Variants in SLC4A7 observed in about 807,000 individuals in gnomAD.
SLC4A7 encodes sodium bicarbonate cotransporter 3.
In SLC4A7, 51 loss-of-function variants were observed where a neutral mutation model predicts 137.6. The ratio of observed to expected loss-of-function variants is 0.37; its 90% confidence interval spans 0.30 to 0.47. The LOEUF (loss-of-function observed/expected upper bound fraction) is 0.47. SLC4A7 is among the 20% of genes least tolerant of loss of function. The pLI, the probability that SLC4A7 is intolerant of heterozygous loss-of-function variation, is 1.00. For synonymous variants in SLC4A7, 542 were observed against 518.6 expected (o/e 1.05, Z -0.61); for missense variants, 1,247 against 1,525.4 (o/e 0.82, Z 3.04).
At chr3:27,395,495 C>T (rs773223519) in intron 18 of SLC4A7, among the ~76,000 whole-genome samples, 11 of 152,310 alleles carry the variant, frequency 7.2e-5, no homozygotes, top group Admixed American at 3.3e-4. Flanking sequence ...GAGATTATTA[C>T]GCTGTCGAGT....
intron 1 of SLC4A7, among the ~76,000 whole-genome samples, chr3:27,479,049 T>A (rs577158259): frequency 1.3e-5 from 2 of 152,014 alleles, no homozygotes; most frequent in Admixed American, 1.3e-4. Context: ...AACCTGTCTG[T>A]ATTGGCATAT....
At chr3:27,463,170 GTA>G (rs2058789177) in intron 1 of SLC4A7, among the ~76,000 whole-genome samples, 1 of 152,214 alleles carries the variant, frequency 6.6e-6, no homozygotes, top group African/African-American at 2.4e-5. Context: ...GCTCACGCCT[GTA>G]ATCCCAGCAC....
chr3:27,380,346 T>C (rs1358511888), intron 24 of SLC4A7, among the ~76,000 whole-genome samples: 1 of 151,826 alleles, frequency 6.6e-6, no homozygotes, highest in East Asian at 1.9e-4. Context: ...GTACTATCCA[T>C]TTATTACAAT....
chr3:27,397,105 T>C (rs1471171137), intron 18 of SLC4A7, among the ~76,000 whole-genome samples: 6 of 152,308 alleles, frequency 3.9e-5, no homozygotes, highest in Admixed American at 3.9e-4. Context: ...CGCAGCTCAC[T>C]GCAACCTCCG....
chr3:27,390,110 T>A lies in SLC4A7; in HGVS notation c.3187-6A>T, dbSNP rs764226275. 1.3e-6 allele frequency: 2 copies of A among 1,543,534 alleles called. No homozygotes were observed. Among genetic ancestry groups the A allele is most frequent in the East Asian group, 4.5e-5 (2 of 44,414 alleles). ...AATTTTATACGGTCAAATAACTACA[T>A]ATAGAATAAAAAACAAAGAAGTTTT... On this transcript the variant is annotated splice_region_variant and splice_polypyrimidine_tract_variant and intron_variant, in intron 21 of 25. Transcript: ENST00000454389.
In SLC4A7 at chr3:27,415,044, T is replaced by C. The variant is rs115404440; in HGVS notation, c.1660-3296A>G. ...ATGATGTCCTTGCTTTCCAAGGTTC[T>C]CTTCCACAGCATTAATAATCTTTTC... On this transcript the variant is annotated intron_variant, in intron 11 of 25. Transcript: ENST00000454389. Among the ~76,000 whole-genome samples, 174 of 152,318 alleles carry C rather than the reference T, an allele frequency of 1.1e-3. 1 individual carries two copies. Among genetic ancestry groups the C allele is most frequent in the African/African-American group, 3.9e-3 (164 of 41,568 alleles).
intron 10 of SLC4A7, among the ~76,000 whole-genome samples, chr3:27,419,151 A>T (rs2054679375): frequency 6.6e-6 from 1 of 152,198 alleles, no homozygotes; most frequent in Admixed American, 6.5e-5. Context: ...GAGGAAAAAC[A>T]GTGAAACGCG....
In SLC4A7 at chr3:27,448,804, A is replaced by G. The variant is rs193233144; in HGVS notation, c.143-7T>C. ...ATATATACAGCTCTATGACCTATTA[A>G]AAGGTTCAGAAACATATTACTAGCT... On this transcript the variant is annotated splice_polypyrimidine_tract_variant and splice_region_variant and intron_variant, in intron 2 of 25. Coordinates refer to ENST00000454389, the MANE Select transcript of SLC4A7 (RefSeq NM_001321103.2). 1.2e-5 allele frequency: 19 copies of G among 1,574,104 alleles called. No homozygotes were observed. The East Asian group carries it at 3.7e-4, about 30-fold the overall frequency.
At chr3:27,476,312 C>A (rs1429032006) in intron 1 of SLC4A7, among the ~76,000 whole-genome samples, 4 of 152,162 alleles carry the variant, frequency 2.6e-5, no homozygotes, top group African/African-American at 9.7e-5. Flanking sequence ...ATCCAACTTG[C>A]ATTTACTGCA....
Position 27,435,593 on chromosome 3 carries a change from A to C in SLC4A7, c.589+795T>G, listed in dbSNP as rs539412973. ...CGTGGCTCACACCTGTAAACCCAAA[A>C]CTCTGGCAAGCCAAAGTGGGCAGGT... On this transcript the variant is annotated intron_variant, in intron 5 of 25. Coordinates refer to ENST00000454389, the MANE Select transcript of SLC4A7 (RefSeq NM_001321103.2). Among the ~76,000 whole-genome samples, 51 of 152,176 alleles carry C rather than the reference A, an allele frequency of 3.4e-4. 1 individual carries two copies. The highest frequency in any genetic ancestry group is 5.8e-4 in the East Asian group (3 of 5,182).
At chr3:27,445,686 G>C (rs1301772854) in intron 3 of SLC4A7, among the ~76,000 whole-genome samples, 1 of 149,844 alleles carries the variant, frequency 6.7e-6, no homozygotes, top group Non-Finnish European at 1.5e-5. Flanking sequence ...GGGAGGCTGA[G>C]GCAGGCAGAT....
rs570213092 is a variant in SLC4A7 at position 27,404,952 on chromosome 3, C to T, written c.1953G>A (p.Glu651=). The T allele has an allele frequency of 8.2e-6, 13 of 1,581,188 alleles. No individual in the cohort carries two copies. In the East Asian group the frequency reaches 1.4e-4, roughly 16 times the overall value. Residue 651 remains glutamate, a synonymous_variant, in exon 14 of 26, where the codon GAG becomes GAA. Transcript: ENST00000454389. ...CAGTTAATGATGCTCCAAAAAGAGA[C>T]TCTATTGCACTCTGTTTAAGGAAAA... ...EATEGRISAI[E]SLFGASLTGI...
In SLC4A7 at chr3:27,434,113, T is replaced by C. The variant is rs201363624; in HGVS notation, c.590-9A>G. The C allele has an allele frequency of 3.2e-6, 5 of 1,558,494 alleles. No individual in the cohort carries two copies. The African/African-American group carries it at 5.6e-5, about 17-fold the overall frequency. ...GTTGTCTAATACCATATCTATTCAA[T>C]GAAAAAAAAAATAAATTACTAAACA... On this transcript the variant is annotated splice_polypyrimidine_tract_variant and intron_variant, in intron 5 of 25. Transcript: ENST00000454389.
At position 27,452,462 on chromosome 3, in the gene SLC4A7, T is replaced by C. The variant is rs777585684; in HGVS notation, c.97A>G (p.Thr33Ala). The change falls in exon 2 of 26, where the codon ACT becomes GCT. Residue 33 changes from threonine (T) to alanine (A), a missense_variant. Thr to Ala is a moderately conservative substitution (Grantham distance 58). This residue lies in a region of SLC4A7 where 176 missense variants were observed against 186.4 expected (regional missense o/e 0.94). Coordinates refer to ENST00000454389, the MANE Select transcript of SLC4A7 (RefSeq NM_001321103.2). Reference protein sequence around the residue: ...DEEAVVDLGKTSSTVNTKFEK... With the variant: ...DEEAVVDLGKASSTVNTKFEK... Reference sequence around the variant, plus strand: ...AACTTGGTGTTCACAGTTGAGCTAGTTTTGCCAAGATCCACAACAGCTTCT... The same window carrying C: ...AACTTGGTGTTCACAGTTGAGCTAGCTTTGCCAAGATCCACAACAGCTTCT... The C allele has an allele frequency of 1.3e-5, 21 of 1,605,180 alleles. No homozygotes were observed. The South Asian group carries it at 2.4e-4, about 18-fold the overall frequency.
intron 1 of SLC4A7, among the ~76,000 whole-genome samples, chr3:27,469,473 A>G (rs926685417): frequency 1.3e-5 from 2 of 152,188 alleles, no homozygotes; most frequent in African/African-American, 4.8e-5. Context: ...AATGTCCTGG[A>G]GCAGCTCACA....
At chr3:27,397,886 C>T (rs2052358307) in intron 17 of SLC4A7, 89 bp from the exon 18 acceptor site, 1 of 741,490 alleles carries the variant, frequency 1.3e-6, no homozygotes. Context: ...AAAATTGTCA[C>T]TACAACGTAC....
intron 3 of SLC4A7, among the ~76,000 whole-genome samples, chr3:27,446,830 C>T (rs2057672222): frequency 6.7e-6 from 1 of 148,722 alleles, no homozygotes; most frequent in South Asian, 2.1e-4. Flanking sequence ...ATTATATTTA[C>T]TAGATTTACT....
intron 1 of SLC4A7, among the ~76,000 whole-genome samples, chr3:27,457,472 G>A (rs2150593875): frequency 6.6e-6 from 1 of 152,226 alleles, no homozygotes; most frequent in East Asian, 1.9e-4. Flanking sequence ...TATTCACACA[G>A]ATATTCTGCT....
In SLC4A7 at chr3:27,431,320, C is replaced by T; in HGVS notation, c.1128G>A (p.Glu376=). ...AALKGEEQKN[E]ENVDLTPGIL... ...TGCCTGGAGTTAAGTCAACATTTTC[C>T]TCATTCTTCTGCTCCTCGCCTTTCA... Residue 376 remains glutamate, a synonymous_variant, in exon 7 of 26, where the codon GAG becomes GAA. Transcript: ENST00000454389. 6.3e-7 allele frequency: 1 copy of T among 1,588,714 alleles called. No homozygotes were observed. Among genetic ancestry groups the T allele is most frequent in the Non-Finnish European group, 8.6e-7 (1 of 1,165,796 alleles).
Sources: allele counts gnomAD v4.1 joint callset (sites outside exome capture counted in the v4.1 genomes callset), GRCh38; gene constraint gnomAD v4.1.1; regional missense constraint gnomAD v4.1.1; transcripts MANE v1.5; gene names NCBI Gene and HGNC (gene_info 2026-07-23, HGNC 2026-07-21).